The following RRAGC variants were observed in gnomAD, a reference collection of about 807,000 sequenced individuals.
The protein encoded by RRAGC is ras-related GTP-binding protein C.
RRAGC carries 8 observed loss-of-function variants against 37.1 expected under a neutral mutation model. The observed-to-expected ratio is 0.22, with a 90% CI of 0.13 to 0.39. RRAGC has a LOEUF of 0.39. Among genes scored for constraint, RRAGC ranks in the 10% least tolerant of loss-of-function variants. The probability of loss-of-function intolerance (pLI) is 1.00; values close to 1 mark genes in which losing one functional copy is unlikely to be tolerated. For missense variants in RRAGC, 342 were observed against 497.6 expected, an observed-to-expected ratio of 0.69 and a Z score of 2.98; for synonymous variants, 190 against 181.1, an observed-to-expected ratio of 1.05 and a Z score of -0.39.
In RRAGC at chr1:38,846,040, G is replaced by C; in HGVS notation, c.947C>G (p.Ala316Gly). The stretch of plus-strand genomic sequence containing the variant: ...AGTTGTATTATTCAGCTTGATAATT[G>C]CCATAGATTCTTTGTCATAAGCACT... ...SGSAYDKESM[A>G]IIKLNNTTVL... Residue 316 changes from alanine to glycine, a missense_variant, in exon 6 of 7, where the codon GCA (alanine) becomes GGA (glycine). Coordinates refer to ENST00000373001, the MANE Select transcript of RRAGC (RefSeq NM_022157.4). The C allele has an allele frequency of 6.2e-7, 1 of 1,610,614 alleles. No individual in the cohort carries two copies. The highest frequency in any genetic ancestry group is 8.5e-7 in the Non-Finnish European group (1 of 1,177,804).
intron 5 of RRAGC, chr1:38,848,111 T>C (rs762681995): frequency 4.0e-5 from 6 of 151,746 alleles, no homozygotes; most frequent in Admixed American, 1.3e-4. Flanking sequence ...GGACTCAAAC[T>C]TAGGGTTTTT....
chr1:38,857,123 C>A lies in RRAGC; in HGVS notation c.238-41G>T, dbSNP rs377645224. The A allele has an allele frequency of 5.6e-6, 8 of 1,439,166 alleles. No individual in the cohort carries two copies. In the African/African-American group the frequency reaches 1.1e-4, roughly 21 times the overall value. The allele number at this position is 1,439,166 out of a possible 1,614,324, so 89.1% of individuals were successfully genotyped here. ...AGGCAATTTTATGACTATTAAACTT[C>A]AGAATTTAAATTTAAAATTCCACCC... On this transcript the variant is annotated intron_variant, in intron 1 of 6. Transcript: ENST00000373001.
intron 5 of RRAGC, chr1:38,846,303 A>C: frequency 2.2e-6 from 1 of 457,268 alleles, no homozygotes; most frequent in Non-Finnish European, 3.8e-6. Flanking sequence ...ACATCCTTTA[A>C]TATAGATAAT....
intron 6 of RRAGC, among the ~76,000 whole-genome samples, chr1:38,841,694 G>A (rs932489182): frequency 1.3e-5 from 2 of 151,430 alleles, no homozygotes; most frequent in Non-Finnish European, 1.5e-5. Flanking sequence ...AGATTAAAAT[G>A]GTTAGGAGCC....
chr1:38,841,679 T>C (rs925335222), intron 6 of RRAGC, among the ~76,000 whole-genome samples: 1 of 151,324 alleles, frequency 6.6e-6, no homozygotes, highest in African/African-American at 2.4e-5. Context: ...AAAAAAATTT[T>C]TTTAAGATTA....
At position 38,839,576 on chromosome 1, in the gene RRAGC, C is replaced by CA; in HGVS notation, c.1176dup (p.Gly393TrpfsTer10). On this transcript the variant is annotated frameshift_variant, in exon 7 of 7. Coordinates refer to ENST00000373001, the MANE Select transcript of RRAGC (RefSeq NM_022157.4). LOFTEE classifies it high-confidence loss of function. ...GACTAGATGGCGTTTCGTGGCGTGC[C>CA]ATTGTGTGTCAGCGCTTTCAGACTG... 6.2e-7 allele frequency: 1 copy of CA among 1,614,072 alleles called. No individual in the cohort carries two copies. The highest frequency in any genetic ancestry group is 8.5e-7 in the Non-Finnish European group (1 of 1,180,032).
At chr1:38,851,941 T>G (rs965411582) in intron 4 of RRAGC, among the ~76,000 whole-genome samples, 184 bp from the exon 5 acceptor site, 3 of 152,244 alleles carry the variant, frequency 2.0e-5, no homozygotes, top group Non-Finnish European at 2.9e-5. Context: ...GAGGAATTAT[T>G]TCTCTACTCT....
chr1:38,857,966 C>CA (rs1056013998), intron 1 of RRAGC, among the ~76,000 whole-genome samples: 35 of 144,932 alleles, frequency 2.4e-4, no homozygotes, highest in African/African-American at 5.8e-4. Flanking sequence ...AACAAACAAA[C>CA]AAAAAAAAAA....
intron 1 of RRAGC, among the ~76,000 whole-genome samples, chr1:38,858,526 CG>C (rs1247302383): frequency 3.3e-5 from 5 of 152,146 alleles, no homozygotes; most frequent in Non-Finnish European, 7.3e-5. Context: ...GGTGAAACCC[CG>C]TCTCTACTAA....
In RRAGC at chr1:38,844,197, C is replaced by T. The variant is rs766917237; in HGVS notation, c.1048+1742G>A. 4.6e-5 allele frequency among the ~76,000 whole-genome samples: 7 copies of T among 151,924 alleles called. No individual in the cohort carries two copies. In the East Asian group the frequency reaches 1.2e-3, roughly 25 times the overall value. On this transcript the variant is annotated intron_variant, in intron 6 of 6. Transcript: ENST00000373001. ...ACTAGTGACAGAAGTATGACAGCCA[C>T]GAGAGTCACAAAACAGGGGAAATAC...
chr1:38,839,909 G>A (rs1375723598), intron 6 of RRAGC, among the ~76,000 whole-genome samples: 1 of 151,944 alleles, frequency 6.6e-6, no homozygotes, highest in Admixed American at 6.6e-5. Context: ...CACTTTGGGA[G>A]GCCGAGGCGG....
chr1:38,854,478 G>C (rs1025382002), intron 3 of RRAGC, among the ~76,000 whole-genome samples: 5 of 152,148 alleles, frequency 3.3e-5, no homozygotes, highest in African/African-American at 1.2e-4. Flanking sequence ...CCCTGGAAAG[G>C]AACACAGACA....
intron 5 of RRAGC, among the ~76,000 whole-genome samples, chr1:38,849,676 G>A (rs766736575): frequency 1.3e-5 from 2 of 151,888 alleles, no homozygotes; most frequent in Non-Finnish European, 2.9e-5. Context: ...CGACAAGAGT[G>A]AGACTCTGTC....
intron 6 of RRAGC, among the ~76,000 whole-genome samples, chr1:38,841,191 T>C (rs1557583140): frequency 6.6e-6 from 1 of 152,150 alleles, no homozygotes; most frequent in Non-Finnish European, 1.5e-5. Context: ...CTTTTTTATA[T>C]ATTTGACAGT....
rs1192676906 is a variant in RRAGC at position 38,839,298 on chromosome 1, G to C, written c.*255C>G. 1 of 367,328 alleles carries C rather than the reference G, an allele frequency of 2.7e-6. No homozygotes were observed. Among genetic ancestry groups the C allele is most frequent in the East Asian group, 4.1e-5 (1 of 24,624 alleles). The allele number at this position is 367,328 out of a possible 1,614,324, so 22.8% of individuals were successfully genotyped here. On this transcript the variant is annotated 3_prime_UTR_variant, in exon 7 of 7. Coordinates refer to ENST00000373001, the MANE Select transcript of RRAGC (RefSeq NM_022157.4). ...TACTTAAAGGGGACCCAAAAGAGGA[G>C]AAACACACACTTGAGTTCTGTGGTC...
rs1642147321 is a variant in RRAGC, at chr1:38,854,816, G to C, written c.641+892C>G. 2.0e-5 allele frequency among the ~76,000 whole-genome samples: 3 copies of C among 152,274 alleles called. No individual in the cohort carries two copies. In the South Asian group the frequency reaches 6.2e-4, roughly 32 times the overall value. On this transcript the variant is annotated intron_variant, in intron 3 of 6. Coordinates refer to ENST00000373001, the MANE Select transcript of RRAGC (RefSeq NM_022157.4). ...GGGGGAGGGATAGCAGTTAGCTTGAGCCCATAAAGAAGTCACAACAATAGA... is the reference window on the plus strand; with the variant it reads ...GGGGGAGGGATAGCAGTTAGCTTGACCCCATAAAGAAGTCACAACAATAGA...
At position 38,845,996 on chromosome 1, in the gene RRAGC, C is replaced by A. The variant is rs1226597704; in HGVS notation, c.991G>T (p.Val331Leu). The change falls in exon 6 of 7, where the codon GTG becomes TTG. Residue 331 changes from valine to leucine, a missense_variant. By Grantham distance (32) the Val-to-Leu change is conservative. This residue lies in a region of RRAGC where 104 missense variants were observed against 127.0 expected (regional missense o/e 0.82). Coordinates refer to ENST00000373001, the MANE Select transcript of RRAGC (RefSeq NM_022157.4). ...NNTTVLYLKE[V>L]TKFLALVCIL... The stretch of plus-strand genomic sequence containing the variant: ...CAGACCAGTGCCAAAAATTTAGTCA[C>A]CTCCTTTAAATAAAGGACAGTTGTA... 3 of 1,612,370 alleles carry A rather than the reference C, an allele frequency of 1.9e-6. No individual in the cohort carries two copies. Among genetic ancestry groups the A allele is most frequent in the East Asian group, 2.2e-5 (1 of 44,804 alleles).
intron 2 of RRAGC, among the ~76,000 whole-genome samples, chr1:38,856,313 G>C (rs1404897008): frequency 6.6e-6 from 1 of 152,132 alleles, no homozygotes; most frequent in Non-Finnish European, 1.5e-5. Context: ...AAATTAATTA[G>C]GTCCTGTACG....
At position 38,859,525 on chromosome 1, in the gene RRAGC, C is replaced by CCCG. The variant is rs749233119; in HGVS notation, c.119_121dup (p.Ala40dup). On this transcript the variant is annotated inframe_insertion, in exon 1 of 7. Transcript: ENST00000373001. ...GCCTGCCCCTGCCCCAACCCCTCCG[C>CCCG]CCGCCGCCGCCGCCTCCTCTTCCTC... 65 of 1,542,638 alleles carry CCCG rather than the reference C, an allele frequency of 4.2e-5. 1 individual carries two copies. Among genetic ancestry groups the CCCG allele is most frequent in the Middle Eastern group, 4.5e-4 (2 of 4,490 alleles).
Sources: gnomAD v4.1 joint callset for allele counts (sites outside exome capture counted in the v4.1 genomes callset) on GRCh38, gnomAD v4.1.1 for gene constraint, gnomAD v4.1.1 regional missense constraint, MANE v1.5 for transcripts, NCBI Gene and HGNC (gene_info 2026-07-23, HGNC 2026-07-21) for gene names.